Variants in MTF1 observed in about 807,000 individuals in gnomAD.
MTF1 encodes metal regulatory transcription factor 1, also known as MRE-binding transcription factor.
Under a neutral mutation model 70.4 loss-of-function variants are expected in MTF1, and 22 were observed. The ratio of observed to expected loss-of-function variants is 0.31; its 90% CI spans 0.22 to 0.45. The LOEUF (loss-of-function observed/expected upper bound fraction) is 0.45, where lower values mean the gene tolerates loss of function less well. Among genes scored for constraint, MTF1 ranks in the 20% least tolerant of loss-of-function variants. MTF1 has a pLI of 1.00. For missense variants in MTF1, 649 were observed against 922.0 expected, an observed-to-expected ratio of 0.70 and a Z score of 3.83; for synonymous variants, 333 against 352.8, an observed-to-expected ratio of 0.94 and a Z score of 0.63.
At chr1:37,839,816 T>C (rs1475666018) in intron 3 of MTF1, 104 bp downstream of exon 3, 4 of 896,692 alleles carry the variant, frequency 4.5e-6, no homozygotes, top group Non-Finnish European at 7.1e-6. Flanking sequence ...TGCGCTCTTT[T>C]AAAGCCCTGA....
chr1:37,827,865 A>G (rs566510665), intron 7 of MTF1, among the ~76,000 whole-genome samples: 1 of 152,330 alleles, frequency 6.6e-6, no homozygotes, highest in East Asian at 1.9e-4. Context: ...CTAATACCTC[A>G]ATAATACTAG....
Position 37,815,682 on chromosome 1 carries a change from G to A in MTF1, c.1832-116C>T. On this transcript the variant is annotated intron_variant, in intron 10 of 10. Transcript: ENST00000373036. The surrounding 1 kb of genome is among the most constrained non-coding windows in gnomAD (Gnocchi z 4.5). ...TGCCATGGGAACCATGGGAAGGATG[G>A]TTGCCACACTTCGGGCTTCGTTCTG... is the stretch of plus-strand genomic sequence containing the variant. 1.3e-6 allele frequency: 1 copy of A among 774,556 alleles called. No homozygotes were observed. The highest frequency in any genetic ancestry group is 2.0e-6 in the Non-Finnish European group (1 of 495,860). 48.0% of individuals were successfully genotyped at this position (774,556 alleles called of 1,614,324 possible).
At chr1:37,848,734 T>C (rs1641369665) in intron 2 of MTF1, among the ~76,000 whole-genome samples, 1 of 152,168 alleles carries the variant, frequency 6.6e-6, no homozygotes, top group African/African-American at 2.4e-5. Context: ...AATGGCTTCA[T>C]ATGGGGGTAA....
rs530826150 is a variant in MTF1, at chr1:37,826,872, G to A, written c.1069-3060C>T. Among the ~76,000 whole-genome samples, 7 of 152,152 alleles carry A rather than the reference G, an allele frequency of 4.6e-5. No homozygotes were observed. In the East Asian group the frequency reaches 5.8e-4, roughly 13 times the overall value. On this transcript the variant is annotated intron_variant, in intron 7 of 10. Coordinates refer to ENST00000373036, the MANE Select transcript of MTF1 (RefSeq NM_005955.3). ...TGCGTGCTTCAAATCCTAGCTACTC[G>A]GGACGCTGAGGCAGGAGAATTACTT...
chr1:37,848,469 G>C (rs1404618282), intron 2 of MTF1, among the ~76,000 whole-genome samples: 1 of 152,172 alleles, frequency 6.6e-6, no homozygotes, highest in African/African-American at 2.4e-5. Flanking sequence ...AAGTAAGCCT[G>C]ATTTAAATAT....
chr1:37,817,599 A>G (rs1640839737), intron 9 of MTF1, 117 bp from the exon 10 acceptor site: 1 of 753,808 alleles, frequency 1.3e-6, no homozygotes, highest in South Asian at 1.5e-5. Flanking sequence ...CTTAGTGTTC[A>G]GGGATTTTTG....
At chr1:37,833,269 C>G (rs192907170) in intron 6 of MTF1, among the ~76,000 whole-genome samples, 2 of 152,152 alleles carry the variant, frequency 1.3e-5, no homozygotes, top group African/African-American at 4.8e-5. Flanking sequence ...GATGCTCAGA[C>G]AGTAGGAATC....
At chr1:37,836,419 T>C (rs1641171639) in intron 4 of MTF1, among the ~76,000 whole-genome samples, 1 of 152,162 alleles carries the variant, frequency 6.6e-6, no homozygotes, top group South Asian at 2.1e-4. Context: ...AATATGTACA[T>C]GGCTTGCAAT....
chr1:37,849,752 T>C (rs892184122), intron 2 of MTF1, among the ~76,000 whole-genome samples: 3 of 152,238 alleles, frequency 2.0e-5, no homozygotes, highest in South Asian at 2.1e-4. Flanking sequence ...CCAGGTGTGG[T>C]AGCTCATGCC....
At chr1:37,857,819 G>T in intron 1 of MTF1, 110 bp from the exon 2 acceptor site, 1 of 609,960 alleles carries the variant, frequency 1.6e-6, no homozygotes, top group Non-Finnish European at 2.8e-6. Context: ...CAAAGCAAAT[G>T]AAAAACCATC....
At chr1:37,849,876 TA>T (rs1171457550) in intron 2 of MTF1, among the ~76,000 whole-genome samples, 1 of 151,910 alleles carries the variant, frequency 6.6e-6, no homozygotes, top group Non-Finnish European at 1.5e-5. Flanking sequence ...CCCAGTGTCT[TA>T]AAAAAATAAA....
In MTF1 at chr1:37,822,799, A is replaced by T. The variant is rs1028400581; in HGVS notation, c.1172-83T>A. 12 of 954,798 alleles carry T rather than the reference A, an allele frequency of 1.3e-5. No homozygotes were observed. The Admixed American group carries it at 2.7e-4, about 22-fold the overall frequency. 59.1% of individuals were successfully genotyped at this position (954,798 alleles called of 1,614,324 possible). ...AAAAACAGTCATTATGGGCTAAACA[A>T]AACACAGCTGAAGTCCACTGAGCTG... On this transcript the variant is annotated intron_variant, in intron 8 of 10. Coordinates refer to ENST00000373036, the MANE Select transcript of MTF1 (RefSeq NM_005955.3).
chr1:37,827,310 A>G (rs1018010663), intron 7 of MTF1, among the ~76,000 whole-genome samples: 3 of 150,572 alleles, frequency 2.0e-5, no homozygotes, highest in African/African-American at 4.9e-5. Flanking sequence ...ACCACTGAGC[A>G]TAAGCTTTGC....
In MTF1 at chr1:37,824,788, T is replaced by A. The variant is rs114800624; in HGVS notation, c.1069-976A>T. Among the ~76,000 whole-genome samples, 1,285 of 152,266 alleles carry A rather than the reference T, an allele frequency of 8.4e-3. 8 individuals carry two copies. Among genetic ancestry groups the A allele is most frequent in the Non-Finnish European group, 0.014 (937 of 68,026 alleles). On this transcript the variant is annotated intron_variant, in intron 7 of 10. Transcript: ENST00000373036. ...TTGTGAATATTTTTCATAATATCTA[T>A]GATATTCTAGTATGTATGCATGGTA...
intron 9 of MTF1, among the ~76,000 whole-genome samples, chr1:37,818,733 G>A (rs1220028674): frequency 6.6e-6 from 1 of 150,458 alleles, no homozygotes; most frequent in African/African-American, 2.4e-5. Flanking sequence ...GGTGGCTCAC[G>A]CCTGTAATCC....
chr1:37,843,612 C>A (rs926627595), intron 2 of MTF1, among the ~76,000 whole-genome samples: 6 of 152,228 alleles, frequency 3.9e-5, no homozygotes, highest in Admixed American at 2.6e-4. Flanking sequence ...ACAGACAATA[C>A]GTAAATGAAC....
chr1:37,854,272 G>C (rs1641457946), intron 2 of MTF1, among the ~76,000 whole-genome samples: 2 of 152,232 alleles, frequency 1.3e-5, no homozygotes, highest in Non-Finnish European at 2.9e-5. Context: ...GCCTCCCAAA[G>C]TGTTGGGATT....
intron 7 of MTF1, chr1:37,826,738 T>G: frequency 2.8e-6 from 1 of 355,894 alleles, no homozygotes; most frequent in Non-Finnish European, 5.6e-6. Context: ...CAGCACTGTG[T>G]GGGGCCGAGG....
chr1:37,821,327 A>C (rs1640907058), intron 9 of MTF1, among the ~76,000 whole-genome samples: 1 of 152,114 alleles, frequency 6.6e-6, no homozygotes, highest in African/African-American at 2.4e-5. Flanking sequence ...AATTTTAAAA[A>C]ATATGTAGCA....
Sources: gnomAD v4.1 joint callset for allele counts (sites outside exome capture counted in the v4.1 genomes callset) on GRCh38, gnomAD v4.1.1 for gene constraint, Gnocchi (gnomAD v3.1) non-coding constraint, MANE v1.5 for transcripts, NCBI Gene and HGNC (gene_info 2026-07-23, HGNC 2026-07-21) for gene names.